RBFOX1: variants seen among roughly 807,000 people sequenced by gnomAD.
The protein encoded by RBFOX1 is RNA binding fox-1 homolog 1.
Under a neutral mutation model 57.7 loss-of-function variants are expected in RBFOX1, and 8 were observed. The ratio of observed to expected loss-of-function variants is 0.14; its 90% CI spans 0.08 to 0.25. The LOEUF is 0.25. RBFOX1 is among the 10% of genes least tolerant of loss of function. The pLI is 1.00. For missense variants in RBFOX1, 611 were observed against 548.5 expected, an observed-to-expected ratio of 1.11 and a Z score of -1.14; for synonymous variants, 326 against 222.4, an observed-to-expected ratio of 1.47 and a Z score of -4.15.
intron 3 of RBFOX1, among the ~76,000 whole-genome samples, chr16:6,893,983 C>G (rs1008855572): frequency 6.6e-5 from 10 of 152,100 alleles, no homozygotes; most frequent in Non-Finnish European, 2.9e-5. Flanking sequence ...CTTCTAATAT[C>G]CCAAAGACAG....
At chr16:6,803,730 C>A (rs539703418) in intron 3 of RBFOX1, among the ~76,000 whole-genome samples, 1 of 151,984 alleles carries the variant, frequency 6.6e-6, no homozygotes, top group Non-Finnish European at 1.5e-5. Flanking sequence ...GCTTATCTTG[C>A]TTAAGAGTAA....
intron 4 of RBFOX1, among the ~76,000 whole-genome samples, chr16:7,245,691 A>C (rs367884947): frequency 6.6e-6 from 1 of 152,222 alleles, no homozygotes; most frequent in South Asian, 2.1e-4. Context: ...TTGTTGAAAG[A>C]TGTTTGCCTG....
intron 13 of RBFOX1, among the ~76,000 whole-genome samples, chr16:7,676,005 T>A (rs549133460): frequency 6.6e-6 from 1 of 152,242 alleles, no homozygotes; most frequent in African/African-American, 2.4e-5. Context: ...TCGTCCTCTT[T>A]GCTTAATTGA....
intron 1 of RBFOX1, among the ~76,000 whole-genome samples, chr16:5,380,252 A>G (rs948178354): frequency 6.6e-6 from 1 of 152,118 alleles, no homozygotes; most frequent in African/African-American, 2.4e-5. Context: ...TGTACGGTCG[A>G]CTTTCAGTAG....
At chr16:7,251,480 G>T (rs552822145) in intron 4 of RBFOX1, among the ~76,000 whole-genome samples, 2 of 146,616 alleles carry the variant, frequency 1.4e-5, no homozygotes, top group African/African-American at 5.1e-5. Context: ...GCGCGGTCTT[G>T]GCTCACTGCA....
intron 15 of RBFOX1, 132 bp from the exon 16 acceptor site, chr16:7,710,491 C>A (rs1459960690): frequency 1.3e-6 from 2 of 1,544,274 alleles, no homozygotes; most frequent in Non-Finnish European, 1.7e-6. Flanking sequence ...CCAAGAATGA[C>A]CTGGGATGGG....
chr16:6,523,690 CT>C (rs1471291635), intron 2 of RBFOX1, among the ~76,000 whole-genome samples: 1 of 152,108 alleles, frequency 6.6e-6, no homozygotes, highest in Non-Finnish European at 1.5e-5. Context: ...TTGTTCAAAT[CT>C]GTTAAAGAAC....
chr16:6,735,742 C>T (rs2070051096), intron 3 of RBFOX1, among the ~76,000 whole-genome samples: 1 of 152,170 alleles, frequency 6.6e-6, no homozygotes, highest in African/African-American at 2.4e-5. Flanking sequence ...GTGCAGGAGT[C>T]TACCATGATA....
chr16:6,956,521 G>A (rs114358565), intron 3 of RBFOX1, among the ~76,000 whole-genome samples: 1,850 of 152,210 alleles, frequency 0.012, 35 homozygotes, highest in African/African-American at 0.042. Flanking sequence ...CCTGGAGTGG[G>A]GAAGGAGAAT....
At chr16:6,903,049 A>G (rs970865728) in intron 3 of RBFOX1, among the ~76,000 whole-genome samples, 3 of 152,156 alleles carry the variant, frequency 2.0e-5, no homozygotes, top group Non-Finnish European at 4.4e-5. Flanking sequence ...AAGTGAAACA[A>G]GGTTTTGTGA....
intron 1 of RBFOX1, among the ~76,000 whole-genome samples, chr16:5,312,244 A>T (rs568741213): frequency 6.6e-6 from 1 of 152,348 alleles, no homozygotes; most frequent in South Asian, 2.1e-4. Flanking sequence ...AACTGAGAAC[A>T]TGTAGGGAGG....
chr16:6,133,595 T>C (rs2096645255), intron 1 of RBFOX1, among the ~76,000 whole-genome samples: 1 of 152,166 alleles, frequency 6.6e-6, no homozygotes, highest in African/African-American at 2.4e-5. Flanking sequence ...CTGTTTAAAA[T>C]CCATATCTTA....
chr16:6,716,825 G>T (rs150483177), intron 3 of RBFOX1, among the ~76,000 whole-genome samples: 170 of 152,214 alleles, frequency 1.1e-3, no homozygotes, highest in African/African-American at 3.8e-3. Flanking sequence ...GCTGATGGCC[G>T]TGTTGACATT....
chr16:6,914,710 C>G (rs1411701872), intron 3 of RBFOX1, among the ~76,000 whole-genome samples: 1 of 152,116 alleles, frequency 6.6e-6, no homozygotes, highest in Non-Finnish European at 1.5e-5. Context: ...CCCATCTGTA[C>G]CAATAAGCTG....
intron 3 of RBFOX1, among the ~76,000 whole-genome samples, chr16:6,738,647 A>G (rs548628858): frequency 2.3e-4 from 35 of 152,342 alleles, no homozygotes; most frequent in Admixed American, 1.3e-3. Context: ...TGTCATTGAC[A>G]ATTACAGAAC....
intron 9 of RBFOX1, 44 bp downstream of exon 9, chr16:7,597,475 G>C: frequency 6.8e-7 from 1 of 1,477,798 alleles, no homozygotes; most frequent in South Asian, 1.2e-5. Flanking sequence ...CTCTACTTCT[G>C]ACTCTTTAAG....
At chr16:5,663,454 T>G (rs1385973774) in intron 3 of RBFOX1, among the ~76,000 whole-genome samples, 1 of 151,900 alleles carries the variant, frequency 6.6e-6, no homozygotes, top group African/African-American at 2.4e-5. Context: ...ATCCTCCCAC[T>G]TCAGCCCCCG....
intron 4 of RBFOX1, among the ~76,000 whole-genome samples, chr16:7,407,254 A>C (rs1024703420): frequency 1.3e-5 from 2 of 152,116 alleles, no homozygotes; most frequent in Non-Finnish European, 2.9e-5. Context: ...GGACATGAGC[A>C]TGTTTGGGAG....
At chr16:6,794,954 C>A (rs1436710834) in intron 3 of RBFOX1, among the ~76,000 whole-genome samples, 1 of 152,110 alleles carries the variant, frequency 6.6e-6, no homozygotes, top group African/African-American at 2.4e-5. Context: ...GAGTAATTTT[C>A]CCTAAATCAC....
Sources: gnomAD v4.1 joint callset for allele counts (sites outside exome capture counted in the v4.1 genomes callset) on GRCh38, gnomAD v4.1.1 for gene constraint, MANE v1.5 for transcripts, NCBI Gene and HGNC (gene_info 2026-07-23, HGNC 2026-07-21) for gene names.